CSNK1D: variants seen among roughly 807,000 people sequenced by gnomAD.
CSNK1D encodes the protein casein kinase I isoform delta.
CSNK1D carries 16 observed loss-of-function variants against 46.6 expected under a neutral mutation model. The observed-to-expected ratio is 0.34, with a 90% CI of 0.23 to 0.52. The LOEUF (loss-of-function observed/expected upper bound fraction) is 0.52, where lower values mean the gene tolerates loss of function less well. Among genes scored for constraint, CSNK1D ranks in the 20% least tolerant of loss-of-function variants. CSNK1D has a pLI of 0.95. For synonymous variants in CSNK1D, 276 were observed against 228.2 expected (o/e 1.21, Z -1.89); for missense variants, 398 against 578.4 (o/e 0.69, Z 3.20).
chr17:82,245,731 G>C (rs896892910), intron 8 of CSNK1D: 22 of 536,532 alleles, frequency 4.1e-5, no homozygotes, highest in Non-Finnish European at 6.4e-5. Flanking sequence ...GGAGGCCACA[G>C]GCCAACAGGA....
chr17:82,239,354 C>T (rs968342950), downstream of CSNK1D: 2 of 198,146 alleles, frequency 1.0e-5, no homozygotes, highest in Non-Finnish European at 2.0e-5. Flanking sequence ...TGCGTGGGGC[C>T]CTCTCCAGCC....
chr17:82,271,039 G>C (rs546461374), intron 1 of CSNK1D, among the ~76,000 whole-genome samples: 187 of 152,312 alleles, frequency 1.2e-3, no homozygotes, highest in African/African-American at 4.3e-3. Context: ...TGTTTGACAA[G>C]GTCTCAGATC....
intron 3 of CSNK1D, chr17:82,254,432 C>G (rs1298391165): frequency 2.6e-4 from 64 of 245,074 alleles, no homozygotes; most frequent in South Asian, 1.0e-3. Flanking sequence ...GCCGGAGCCT[C>G]GAGAAGCCAG....
chr17:82,273,132 C>T lies in CSNK1D; in HGVS notation c.76+174G>A. On this transcript the variant is annotated intron_variant, in intron 1 of 8. Transcript: ENST00000314028. The surrounding 1 kb of genome is among the most constrained non-coding windows in gnomAD (Gnocchi z 5.1). ...CCCACGTCCGCTCCCCACTGCCCTC[C>T]CCACCCCTGGCCGCGCTAGCCTAGT... 1.5e-6 allele frequency: 1 copy of T among 664,362 alleles called. No homozygotes were observed. The highest frequency in any genetic ancestry group is 2.8e-5 in the East Asian group (1 of 35,252). The allele number at this position is 664,362 out of a possible 1,614,324, so 41.2% of individuals were successfully genotyped here.
At position 82,251,080 on chromosome 17, in the gene CSNK1D, A is replaced by C; in HGVS notation, c.885+299T>G. The C allele has an allele frequency of 2.4e-6, 1 of 424,882 alleles. No homozygotes were observed. Among genetic ancestry groups the C allele is most frequent in the Non-Finnish European group, 4.4e-6 (1 of 226,056 alleles). The allele number at this position is 424,882 out of a possible 1,614,324, so 26.3% of individuals were successfully genotyped here. On this transcript the variant is annotated intron_variant, in intron 6 of 8. Transcript: ENST00000314028. The surrounding 1 kb of genome is among the most constrained non-coding windows in gnomAD (Gnocchi z 4.5). ...CCCCCAGCCCCCACCCTCTGCCCCC[A>C]GGGCATGCTCTGGGCCCTAGCTCCG...
chr17:82,262,752 T>C (rs2051372752), intron 2 of CSNK1D, among the ~76,000 whole-genome samples: 1 of 152,248 alleles, frequency 6.6e-6, no homozygotes, highest in Non-Finnish European at 1.5e-5. Flanking sequence ...TGGTGGCTTC[T>C]GGATGAAACA....
chr17:82,251,598 C>A lies in CSNK1D; in HGVS notation c.737-71G>T. On this transcript the variant is annotated intron_variant, in intron 5 of 8. Coordinates refer to ENST00000314028, the MANE Select transcript of CSNK1D (RefSeq NM_001893.6). This position sits in a 1 kb window ranked among gnomAD's most constrained non-coding sequence, Gnocchi z 4.5. ...ACTCAAGGTGTCTCTGCCAACGTCG[C>A]TGTCTACCTCCTGCTGCTGCACACT... 1 of 1,493,342 alleles carries A rather than the reference C, an allele frequency of 6.7e-7. No individual in the cohort carries two copies. The highest frequency in any genetic ancestry group is 9.3e-7 in the Non-Finnish European group (1 of 1,078,414). 92.5% of individuals were successfully genotyped at this position (1,493,342 alleles called of 1,614,324 possible).
Position 82,244,598 on chromosome 17 carries a change from G to A in CSNK1D, c.*183C>T. The A allele has an allele frequency of 6.6e-7, 1 of 1,517,478 alleles. No homozygotes were observed. Among genetic ancestry groups the A allele is most frequent in the Non-Finnish European group, 8.8e-7 (1 of 1,134,432 alleles). The allele number at this position is 1,517,478 out of a possible 1,614,324, so 94.0% of individuals were successfully genotyped here. A position where few individuals can be genotyped will look rare whatever the true frequency, so the allele number is the denominator to read the frequency against. On this transcript the variant is annotated 3_prime_UTR_variant, in exon 9 of 9. Transcript: ENST00000314028. ...GGGCCGCAGTGCAGCCCCAGCGGTG[G>A]CAGCTCTTGGAGTCTGTCCGTTTAG...
intron 1 of CSNK1D, among the ~76,000 whole-genome samples, chr17:82,271,142 C>T (rs2051612851): frequency 6.6e-6 from 1 of 152,208 alleles, no homozygotes; most frequent in Non-Finnish European, 1.5e-5. Context: ...GTGGTGTGAT[C>T]TTGGCTCACT....
At chr17:82,247,825 G>A in intron 8 of CSNK1D, 2 of 985,438 alleles carry the variant, frequency 2.0e-6, no homozygotes, top group Non-Finnish European at 2.4e-6. Context: ...TGCATCTTTG[G>A]TCTCTTTGGG....
chr17:82,239,882 G>A (rs1219491677), downstream of CSNK1D: 6 of 709,664 alleles, frequency 8.5e-6, no homozygotes, highest in Admixed American at 4.3e-5. Flanking sequence ...CCGGCCCAGC[G>A]CTTGGGCTTG....
intron 2 of CSNK1D, among the ~76,000 whole-genome samples, chr17:82,261,967 G>A (rs1368972795): frequency 1.3e-5 from 2 of 152,144 alleles, no homozygotes; most frequent in Admixed American, 1.3e-4. Context: ...AATGTCCTTT[G>A]CTGAGGGGTT....
In CSNK1D at chr17:82,255,992, G is replaced by C. The variant is rs1324436867; in HGVS notation, c.188-415C>G. On this transcript the variant is annotated intron_variant, in intron 2 of 8. Transcript: ENST00000314028. The surrounding 1 kb of genome is among the most constrained non-coding windows in gnomAD (Gnocchi z 5.9). ...TGGGAGGAGAGAAAGCAGCTACCGT[G>C]GGTTAGGTGAGAGAAGAAAATATGT... is the stretch of plus-strand genomic sequence containing the variant. 6.6e-6 allele frequency among the ~76,000 whole-genome samples: 1 copy of C among 152,238 alleles called. No individual in the cohort carries two copies. Among genetic ancestry groups the C allele is most frequent in the Non-Finnish European group, 1.5e-5 (1 of 68,034 alleles).
In CSNK1D at chr17:82,255,527, T is replaced by C; in HGVS notation, c.238A>G (p.Met80Val). 6.2e-7 allele frequency: 1 copy of C among 1,614,150 alleles called. No homozygotes were observed. The highest frequency in any genetic ancestry group is 8.5e-7 in the Non-Finnish European group (1 of 1,180,020). ...CTTGGCCCCAGCAGCTCCATCACCA[T>C]GACGTTGTAGTCCCCCTCTGCCCCG... ...WCGAEGDYNV[M>V]VMELLGPSLE... Residue 80 changes from methionine (M) to valine (V), a missense_variant, in exon 3 of 9, where the codon ATG becomes GTG. Physicochemically the swap from Met to Val is conservative, Grantham distance 21. Transcript: ENST00000314028. The surrounding 1 kb of genome is among the most constrained non-coding windows in gnomAD (Gnocchi z 5.9).
In CSNK1D at chr17:82,252,881, G is replaced by T; in HGVS notation, c.565+135C>A. The T allele has an allele frequency of 1.2e-6, 1 of 860,288 alleles. No homozygotes were observed. The highest frequency in any genetic ancestry group is 1.9e-6 in the Non-Finnish European group (1 of 526,672). The allele number at this position is 860,288 out of a possible 1,614,324, so 53.3% of individuals were successfully genotyped here. A position where few individuals can be genotyped will look rare whatever the true frequency, so the allele number is the denominator to read the frequency against. ...GCCCCCATACACCTGGCAGTCACGA[G>T]CCAGCCTGTCTGCCGCAAAGGTCTG... On this transcript the variant is annotated intron_variant, in intron 4 of 8. Coordinates refer to ENST00000314028, the MANE Select transcript of CSNK1D (RefSeq NM_001893.6). The surrounding 1 kb of genome is among the most constrained non-coding windows in gnomAD (Gnocchi z 4.6).
intron 3 of CSNK1D, chr17:82,254,329 G>A (rs1472984881): frequency 5.5e-5 from 16 of 292,538 alleles, no homozygotes; most frequent in Admixed American, 1.1e-4. Context: ...CTGAGCCGCC[G>A]GGGCCTCGAG....
In CSNK1D at chr17:82,250,261, A is replaced by G; in HGVS notation, c.886-659T>C. On this transcript the variant is annotated intron_variant, in intron 6 of 8. Coordinates refer to ENST00000314028, the MANE Select transcript of CSNK1D (RefSeq NM_001893.6). This position sits in a 1 kb window ranked among gnomAD's most constrained non-coding sequence, Gnocchi z 4.6. ...AGCCCCGGGGCCAAACCCAGGTGCCACTTCTTCCTGCAAGTACAGCTCATT... is the reference window on the plus strand; with the variant it reads ...AGCCCCGGGGCCAAACCCAGGTGCCGCTTCTTCCTGCAAGTACAGCTCATT... 1 of 1,236,092 alleles carries G rather than the reference A, an allele frequency of 8.1e-7. No individual in the cohort carries two copies. Among genetic ancestry groups the G allele is most frequent in the East Asian group, 5.7e-5 (1 of 17,696 alleles). The allele number at this position is 1,236,092 out of a possible 1,614,324, so 76.6% of individuals were successfully genotyped here.
intron 2 of CSNK1D, 61 bp downstream of exon 2, chr17:82,265,625 G>C (rs1451969620): frequency 2.8e-5 from 36 of 1,304,656 alleles, no homozygotes; most frequent in Non-Finnish European, 4.0e-5. Context: ...GCAATGCTGA[G>C]TTGCTGTTCT....
downstream of CSNK1D, among the ~76,000 whole-genome samples, chr17:82,241,015 C>T (rs1379798429): frequency 1.3e-5 from 2 of 152,100 alleles, no homozygotes; most frequent in African/African-American, 4.8e-5. Context: ...CAGAGCTATC[C>T]CCCAACCCCG....
Sources: gnomAD v4.1 joint callset for allele counts (sites outside exome capture counted in the v4.1 genomes callset) on GRCh38, gnomAD v4.1.1 for gene constraint, Gnocchi (gnomAD v3.1) non-coding constraint, MANE v1.5 for transcripts, NCBI Gene and HGNC (gene_info 2026-07-23, HGNC 2026-07-21) for gene names.